Variants in TMEM250 observed in about 807,000 individuals in gnomAD.
The protein encoded by TMEM250 is transmembrane protein 250.
In TMEM250, 7 loss-of-function variants were observed where a neutral mutation model predicts 7.0. The observed-to-expected ratio is 1.00, with a 90% CI of 0.57 to 1.87. The LOEUF is 1.87. Among genes scored for constraint, TMEM250 ranks in the 40% most tolerant of loss-of-function variants. TMEM250 has a pLI of 0.00. For synonymous variants in TMEM250, 135 were observed against 96.7 expected, an observed-to-expected ratio of 1.40 and a Z score of -2.32; for missense variants, 196 against 202.5, an observed-to-expected ratio of 0.97 and a Z score of 0.19.
At chr9:136,117,614 G>A (rs1013955449) in intron 1 of TMEM250, among the ~76,000 whole-genome samples, 14 of 152,236 alleles carry the variant, frequency 9.2e-5, no homozygotes, top group African/African-American at 2.9e-4. Flanking sequence ...ACCTTGCTGG[G>A]CCTGAACCCT....
chr9:136,117,205 C>G (rs1830725599), intron 1 of TMEM250, among the ~76,000 whole-genome samples, 181 bp from the exon 2 acceptor site: 1 of 152,212 alleles, frequency 6.6e-6, no homozygotes, highest in Admixed American at 6.5e-5. Context: ...AGGATACTTC[C>G]AAGGGGCCCA....
chr9:136,117,275 G>T (rs1349758136), intron 1 of TMEM250, among the ~76,000 whole-genome samples: 1 of 152,254 alleles, frequency 6.6e-6, no homozygotes, highest in African/African-American at 2.4e-5. Context: ...GGGCCTTGGG[G>T]ACAGTGGCCA....
At position 136,116,981 on chromosome 9, in the gene TMEM250, C is replaced by T; in HGVS notation, c.-81G>A. 7.3e-7 allele frequency: 1 copy of T among 1,370,012 alleles called. No individual in the cohort carries two copies. The highest frequency in any genetic ancestry group is 3.0e-5 in the East Asian group (1 of 32,916). The allele number at this position is 1,370,012 out of a possible 1,614,324, so 84.9% of individuals were successfully genotyped here. A position where few individuals can be genotyped will look rare whatever the true frequency, so the allele number is the denominator to read the frequency against. On this transcript the variant is annotated 5_prime_UTR_variant, in exon 2 of 2. The change abolishes the stop of an existing upstream ORF in the 5' untranslated region. Coordinates refer to ENST00000418388, the MANE Select transcript of TMEM250 (RefSeq NM_152833.3). ...CTGTTGGCGTAGGGGTCATGGGCGC[C>T]TAGGCCTGGGAGCCCGCAGCTGACC...
chr9:136,115,390 C>A lies in TMEM250; in HGVS notation c.*1091G>T. On this transcript the variant is annotated 3_prime_UTR_variant, in exon 2 of 2. Transcript: ENST00000418388. ...ATCTGCGCCCCTCCAGCCCACCTGC[C>A]CCTGTGCCATCATTTGGGCCCCCCA... 6.6e-6 allele frequency: 1 copy of A among 152,472 alleles called. No individual in the cohort carries two copies. The allele number at this position is 152,472 out of a possible 1,614,324, so 9.4% of individuals were successfully genotyped here.
At position 136,114,619 on chromosome 9, in the gene TMEM250, G is replaced by A. The variant is rs974211433; in HGVS notation, c.*1862C>T. 6.6e-6 allele frequency: 1 copy of A among 152,226 alleles called. No individual in the cohort carries two copies. The highest frequency in any genetic ancestry group is 2.4e-5 in the African/African-American group (1 of 41,452). 9.4% of individuals were successfully genotyped at this position (152,226 alleles called of 1,614,324 possible). On this transcript the variant is annotated 3_prime_UTR_variant, in exon 2 of 2. Transcript: ENST00000418388. Reference sequence around the variant, plus strand: ...TAAAAAAATAGGTTTAATGCAGGTGGGTCATGGCATGACGAATTTCACAGG... The same window carrying A: ...TAAAAAAATAGGTTTAATGCAGGTGAGTCATGGCATGACGAATTTCACAGG...
chr9:136,116,410 T>TGGCCGACCCCACCCATGGAGA lies in TMEM250; in HGVS notation c.*50_*70dup, dbSNP rs1830700986. ...TGGGGGATGGGCGAAGGGAAGGCGC[T>TGGCCGACCCCACCCATGGAGA]GGCCGACCCCACCCATGGAGAGAAC... On this transcript the variant is annotated 3_prime_UTR_variant, in exon 2 of 2. Coordinates refer to ENST00000418388, the MANE Select transcript of TMEM250 (RefSeq NM_152833.3). 2 of 1,444,988 alleles carry TGGCCGACCCCACCCATGGAGA rather than the reference T, an allele frequency of 1.4e-6. No homozygotes were observed. The highest frequency in any genetic ancestry group is 2.9e-5 in the African/African-American group (2 of 70,084). The allele number at this position is 1,444,988 out of a possible 1,614,324, so 89.5% of individuals were successfully genotyped here.
At position 136,116,735 on chromosome 9, in the gene TMEM250, A is replaced by C. The variant is rs1382142646; in HGVS notation, c.166T>G (p.Phe56Val). The change falls in exon 2 of 2, where the codon TTC (phenylalanine) becomes GTC (valine). Residue 56 changes from phenylalanine to valine, a missense_variant. Coordinates refer to ENST00000418388, the MANE Select transcript of TMEM250 (RefSeq NM_152833.3). ...AGGCTGCAGCTAAAGTAGAGTAGGAAGCGGATGAAGCCGTACAGCCAGCGC... is the reference window on the plus strand; with the variant it reads ...AGGCTGCAGCTAAAGTAGAGTAGGACGCGGATGAAGCCGTACAGCCAGCGC... ...KTRWLYGFIR[F>V]LLYFSCSLFT... 1 of 1,612,364 alleles carries C rather than the reference A, an allele frequency of 6.2e-7. No individual in the cohort carries two copies. The highest frequency in any genetic ancestry group is 2.2e-5 in the East Asian group (1 of 44,874).
At chr9:136,117,910 A>T (rs920459833) in intron 1 of TMEM250, 2 of 152,306 alleles carry the variant, frequency 1.3e-5, no homozygotes, top group Admixed American at 1.3e-4. Context: ...AAGGTCAGGA[A>T]ATAAAATCTG....
intron 1 of TMEM250, among the ~76,000 whole-genome samples, chr9:136,117,300 A>C (rs1351221457): frequency 1.3e-5 from 2 of 152,178 alleles, no homozygotes; most frequent in Non-Finnish European, 2.9e-5. Flanking sequence ...AGGCCCCCGG[A>C]AGTGGTCAAT....
intron 1 of TMEM250, 22 bp from the exon 2 acceptor site, chr9:136,117,046 C>G (rs754143695): frequency 5.3e-6 from 7 of 1,311,894 alleles, no homozygotes; most frequent in Non-Finnish European, 5.9e-6. Flanking sequence ...GCCGCAAAAC[C>G]CACGTCAGTA....
At position 136,116,319 on chromosome 9, in the gene TMEM250, C is replaced by G; in HGVS notation, c.*162G>C. 7.2e-7 allele frequency: 1 copy of G among 1,386,460 alleles called. No homozygotes were observed. Among genetic ancestry groups the G allele is most frequent in the South Asian group, 1.5e-5 (1 of 65,720 alleles). 85.9% of individuals were successfully genotyped at this position (1,386,460 alleles called of 1,614,324 possible). Reference sequence around the variant, plus strand: ...GAAGCCAGCCTAGGGGTGGTGTCCGCGCCCCCATCACAGAAGTCTCAGCCC... The same window carrying G: ...GAAGCCAGCCTAGGGGTGGTGTCCGGGCCCCCATCACAGAAGTCTCAGCCC... On this transcript the variant is annotated 3_prime_UTR_variant, in exon 2 of 2. Coordinates refer to ENST00000418388, the MANE Select transcript of TMEM250 (RefSeq NM_152833.3).
Position 136,116,740 on chromosome 9 carries a change from A to G in TMEM250, c.161T>C (p.Ile54Thr), listed in dbSNP as rs1297794127. The G allele has an allele frequency of 3.1e-6, 5 of 1,612,406 alleles. No homozygotes were observed. Among genetic ancestry groups the G allele is most frequent in the Admixed American group, 1.7e-5 (1 of 60,000 alleles). ...GCAGCTAAAGTAGAGTAGGAAGCGG[A>G]TGAAGCCGTACAGCCAGCGCGTCTT... ...YIKTRWLYGF[I>T]RFLLYFSCSL... The change falls in exon 2 of 2, where the codon ATC (isoleucine) becomes ACC (threonine). Residue 54 changes from isoleucine (I) to threonine (T), a missense_variant. Ile to Thr is a moderately conservative substitution (Grantham distance 89, BLOSUM62 -1). Transcript: ENST00000418388.
At position 136,116,275 on chromosome 9, in the gene TMEM250, A is replaced by G; in HGVS notation, c.*206T>C. ...GTGGGCGCTGCCCCTGAGAGTGCAT[A>G]CGGGGAGGGTGGGTCCAGGAAGCCA... On this transcript the variant is annotated 3_prime_UTR_variant, in exon 2 of 2. Coordinates refer to ENST00000418388, the MANE Select transcript of TMEM250 (RefSeq NM_152833.3). 1 of 1,052,202 alleles carries G rather than the reference A, an allele frequency of 9.5e-7. No individual in the cohort carries two copies. The highest frequency in any genetic ancestry group is 1.3e-6 in the Non-Finnish European group (1 of 755,874). 65.2% of individuals were successfully genotyped at this position (1,052,202 alleles called of 1,614,324 possible).
Position 136,116,860 on chromosome 9 carries a change from T to C in TMEM250, c.41A>G (p.His14Arg). 1.3e-6 allele frequency: 2 copies of C among 1,579,464 alleles called. No homozygotes were observed. The highest frequency in any genetic ancestry group is 1.1e-5 in the South Asian group (1 of 89,234). The change falls in exon 2 of 2, where the codon CAC (histidine) becomes CGC (arginine). Residue 14 changes from histidine to arginine, a missense_variant. Physicochemically the swap from His to Arg is conservative, Grantham distance 29. Transcript: ENST00000418388. ...ATGCAGGCAGGTGGTGTGCGGGCCG[T>C]GGAAGGAGCGCACCCGCCGCGGAAT... ...MPIPRRVRSF[H>R]GPHTTCLHAA...
chr9:136,116,857 C>G lies in TMEM250; in HGVS notation c.44G>C (p.Gly15Ala). ...PIPRRVRSFH[G>A]PHTTCLHAAC... ...CGCATGCAGGCAGGTGGTGTGCGGG[C>G]CGTGGAAGGAGCGCACCCGCCGCGG... is the stretch of plus-strand genomic sequence containing the variant. The change falls in exon 2 of 2, where the codon GGC becomes GCC. Residue 15 changes from glycine (G) to alanine (A), a missense_variant. By Grantham distance (60) the Gly-to-Ala change is moderately conservative. Transcript: ENST00000418388. 1 of 1,588,336 alleles carries G rather than the reference C, an allele frequency of 6.3e-7. No individual in the cohort carries two copies. Among genetic ancestry groups the G allele is most frequent in the Non-Finnish European group, 8.6e-7 (1 of 1,168,246 alleles).
Position 136,115,424 on chromosome 9 carries a change from AG to A in TMEM250, c.*1056del, listed in dbSNP as rs1830681624. The A allele has an allele frequency of 1.3e-5, 2 of 152,254 alleles. No homozygotes were observed. Among genetic ancestry groups the A allele is most frequent in the Admixed American group, 6.5e-5 (1 of 15,286 alleles). 9.4% of individuals were successfully genotyped at this position (152,254 alleles called of 1,614,324 possible). A position where few individuals can be genotyped will look rare whatever the true frequency, so the allele number is the denominator to read the frequency against. On this transcript the variant is annotated 3_prime_UTR_variant, in exon 2 of 2. Transcript: ENST00000418388. ...ATCATTTGGGCCCCCCAGACACTGG[AG>A]GACAGCGTGAGATAAGATCTCAGCA...
rs770611107 is a variant in TMEM250 at position 136,116,073 on chromosome 9, G to A, written c.*408C>T. ...CACGCAGAAGGGGCTGTGCAGCCAG[G>A]AGGGCCCCCCTCCGGAATTGCTCCT... On this transcript the variant is annotated 3_prime_UTR_variant, in exon 2 of 2. Transcript: ENST00000418388. 5 of 417,936 alleles carry A rather than the reference G, an allele frequency of 1.2e-5. No individual in the cohort carries two copies. The highest frequency in any genetic ancestry group is 6.1e-5 in the African/African-American group (3 of 48,872). The allele number at this position is 417,936 out of a possible 1,614,324, so 25.9% of individuals were successfully genotyped here.
Position 136,116,856 on chromosome 9 carries a change from G to A in TMEM250, c.45C>T (p.Gly15=), listed in dbSNP as rs770768308. Residue 15 remains glycine, a synonymous_variant, in exon 2 of 2, where the codon GGC becomes GGT. Transcript: ENST00000418388. ...PIPRRVRSFH[G]PHTTCLHAAC... ...CCGCATGCAGGCAGGTGGTGTGCGGGCCGTGGAAGGAGCGCACCCGCCGCG... is the reference window on the plus strand; with the variant it reads ...CCGCATGCAGGCAGGTGGTGTGCGGACCGTGGAAGGAGCGCACCCGCCGCG... The A allele has an allele frequency of 1.2e-5, 19 of 1,588,234 alleles. No individual in the cohort carries two copies. Among genetic ancestry groups the A allele is most frequent in the African/African-American group, 4.0e-5 (3 of 74,376 alleles).
rs79362369 is a variant in TMEM250 at position 136,118,869 on chromosome 9, C to T, written c.-509G>A. 24,277 of 151,816 alleles carry T rather than the reference C, an allele frequency of 0.16. 2,512 individuals are homozygous for T. Among genetic ancestry groups the T allele is most frequent in the East Asian group, 0.34 (1,674 of 4,900 alleles). 9.4% of individuals were successfully genotyped at this position (151,816 alleles called of 1,614,324 possible). ...TCCCGGACTCGTCGCTTCCCGAGGG[C>T]GTGCGTGCGTGCGTGCGTGCGCACG... On this transcript the variant is annotated 5_prime_UTR_variant, in exon 1 of 2. Transcript: ENST00000418388.
Sources: allele counts gnomAD v4.1 joint callset (sites outside exome capture counted in the v4.1 genomes callset), GRCh38; gene constraint gnomAD v4.1.1; transcripts MANE v1.5; gene names NCBI Gene and HGNC (gene_info 2026-07-23, HGNC 2026-07-21).